EPSTI1: variants seen among roughly 807,000 people sequenced by gnomAD.
The protein encoded by EPSTI1 is epithelial-stromal interaction protein 1.
Under a neutral mutation model 49.9 loss-of-function variants are expected in EPSTI1, and 66 were observed. The observed-to-expected ratio is 1.32, with a 90% CI of 1.08 to 1.62. The LOEUF is 1.62. Ranked by LOEUF, EPSTI1 falls within the 40% of genes most tolerant of loss-of-function variation. The probability of loss-of-function intolerance (pLI) is 0.00; values close to 1 mark genes in which losing one functional copy is unlikely to be tolerated. For missense variants in EPSTI1, 394 were observed against 365.5 expected (o/e 1.08, Z -0.64); for synonymous variants, 137 against 130.7 (o/e 1.05, Z -0.33).
intron 1 of EPSTI1, among the ~76,000 whole-genome samples, chr13:42,978,249 T>G (rs2039919833): frequency 6.6e-6 from 1 of 151,662 alleles, no homozygotes; most frequent in South Asian, 2.1e-4. Context: ...GTGGTCAGAG[T>G]ACAGTTTGGT....
intron 1 of EPSTI1, among the ~76,000 whole-genome samples, chr13:42,980,487 T>A (rs1228720474): frequency 1.3e-5 from 2 of 152,188 alleles, no homozygotes; most frequent in East Asian, 3.8e-4. Context: ...TCTTACATGG[T>A]GGCAGGCAAG....
Position 42,917,528 on chromosome 13 carries a change from G to T in EPSTI1, c.741+13C>A. On this transcript the variant is annotated intron_variant, in intron 8 of 10. Transcript: ENST00000313624. ...TAAACAGTTAGCAATAACTAGTAGG[G>T]GCTTGTAAGTACCTTTTGATGTTGT... is the stretch of plus-strand genomic sequence containing the variant. The T allele has an allele frequency of 6.3e-7, 1 of 1,598,618 alleles. No homozygotes were observed.
Position 42,917,633 on chromosome 13 carries a change from G to GGAAA in EPSTI1, c.658-10_658-9insTTTC. ...TAAGCCCAGCTTCTGGCCTGTAAAG[G>GGAAA]TACAAAGAGAAAAAAAAAAAAAAAA... On this transcript the variant is annotated splice_polypyrimidine_tract_variant and intron_variant, in intron 7 of 10. Coordinates refer to ENST00000313624, the MANE Select transcript of EPSTI1 (RefSeq NM_033255.5). The GGAAA allele has an allele frequency of 3.4e-6, 1 of 292,840 alleles. No individual in the cohort carries two copies. The allele number at this position is 292,840 out of a possible 1,614,324, so 18.1% of individuals were successfully genotyped here.
At chr13:42,968,921 TACACACACAC>T (rs71970864) in intron 3 of EPSTI1, among the ~76,000 whole-genome samples, 163 bp downstream of exon 3, 20 of 117,614 alleles carry the variant, frequency 1.7e-4, no homozygotes, top group Admixed American at 4.4e-4. Context: ...AAAAAAAAAA[TACACACACAC>T]ACACACACAC....
intron 10 of EPSTI1, among the ~76,000 whole-genome samples, chr13:42,890,220 CTATT>C (rs2036989114): frequency 2.0e-5 from 3 of 151,586 alleles, no homozygotes; most frequent in African/African-American, 7.3e-5. Context: ...TCATTCCTAT[CTATT>C]AACAAGGTAT....
chr13:42,909,841 A>G (rs1451747360), intron 8 of EPSTI1, among the ~76,000 whole-genome samples: 1 of 152,204 alleles, frequency 6.6e-6, no homozygotes, highest in East Asian at 1.9e-4. Flanking sequence ...AGTTAGATAT[A>G]GGGAATAAAT....
Position 42,969,091 on chromosome 13 carries a change from T to C in EPSTI1, c.331+3A>G. ...CATTCCGGCAGCGGCTGTGCTTGCT[T>C]ACCTAGCCGTCTGGGCACCAGGTGA... On this transcript the variant is annotated splice_donor_region_variant and intron_variant, in intron 3 of 10. Transcript: ENST00000313624. 1 of 1,614,098 alleles carries C rather than the reference T, an allele frequency of 6.2e-7. No homozygotes were observed. The highest frequency in any genetic ancestry group is 8.5e-7 in the Non-Finnish European group (1 of 1,180,014).
At chr13:42,916,327 A>G (rs1328316840) in intron 8 of EPSTI1, among the ~76,000 whole-genome samples, 1 of 151,896 alleles carries the variant, frequency 6.6e-6, no homozygotes, top group Admixed American at 6.6e-5. Context: ...TCTTTCTTAC[A>G]CAGGAGCTAA....
intron 10 of EPSTI1, among the ~76,000 whole-genome samples, chr13:42,892,800 C>G (rs1456964031): frequency 6.6e-6 from 1 of 152,016 alleles, no homozygotes; most frequent in African/African-American, 2.4e-5. Context: ...GAAAGTGGTC[C>G]AAGGTAGATC....
At chr13:42,925,670 TCCGCA>T (rs2038149436) in intron 7 of EPSTI1, among the ~76,000 whole-genome samples, 1 of 152,244 alleles carries the variant, frequency 6.6e-6, no homozygotes, top group African/African-American at 2.4e-5. Flanking sequence ...TAACTCTTCT[TCCGCA>T]ACACAAGCCA....
chr13:42,953,773 TG>T (rs1336908963), intron 6 of EPSTI1, among the ~76,000 whole-genome samples, 174 bp downstream of exon 6: 43 of 152,372 alleles, frequency 2.8e-4, no homozygotes, highest in African/African-American at 1.0e-3. Context: ...GATACTTTGG[TG>T]AGTAGACATG....
chr13:42,902,924 A>G (rs899998248), intron 8 of EPSTI1, among the ~76,000 whole-genome samples: 1 of 152,240 alleles, frequency 6.6e-6, no homozygotes, highest in Non-Finnish European at 1.5e-5. Context: ...GTGGCTCATC[A>G]TAAAGTATAC....
At chr13:42,962,974 G>C (rs146976627) in intron 5 of EPSTI1, among the ~76,000 whole-genome samples, 3 of 152,314 alleles carry the variant, frequency 2.0e-5, no homozygotes, top group Admixed American at 6.5e-5. Flanking sequence ...TCTTCACCCT[G>C]TTCCTGGTGA....
intron 6 of EPSTI1, among the ~76,000 whole-genome samples, chr13:42,926,990 G>GACAGACACACACAC (rs1555262200): frequency 6.9e-6 from 1 of 144,610 alleles, no homozygotes. Flanking sequence ...TCTGTTAACA[G>GACAGACACACACAC]ACACACACAC....
chr13:42,990,098 T>A (rs1487496776), intron 1 of EPSTI1, among the ~76,000 whole-genome samples: 1 of 146,634 alleles, frequency 6.8e-6, no homozygotes, highest in Non-Finnish European at 1.5e-5. Context: ...TTCAAAGTCA[T>A]CCCAACAGGA....
intron 1 of EPSTI1, among the ~76,000 whole-genome samples, chr13:42,982,292 T>C (rs545131117): frequency 1.3e-5 from 2 of 152,316 alleles, no homozygotes; most frequent in South Asian, 4.1e-4. Context: ...ACAAATGCCA[T>C]GGCAACATCA....
intron 6 of EPSTI1, among the ~76,000 whole-genome samples, chr13:42,930,952 C>T (rs2038343065): frequency 6.6e-6 from 1 of 152,206 alleles, no homozygotes; most frequent in African/African-American, 2.4e-5. Context: ...TCTCTGCTTC[C>T]TGCATATATA....
intron 6 of EPSTI1, among the ~76,000 whole-genome samples, chr13:42,929,043 G>C (rs2038277458): frequency 6.6e-6 from 1 of 152,148 alleles, no homozygotes; most frequent in Non-Finnish European, 1.5e-5. Context: ...ATTTTAAAAA[G>C]CAGTCTATGC....
At chr13:42,937,446 T>C (rs113797612) in intron 6 of EPSTI1, among the ~76,000 whole-genome samples, 37 of 152,342 alleles carry the variant, frequency 2.4e-4, no homozygotes, top group African/African-American at 8.7e-4. Flanking sequence ...CTTTTACCCA[T>C]AGTAGAACTT....
Sources: allele counts gnomAD v4.1 joint callset (sites outside exome capture counted in the v4.1 genomes callset), GRCh38; gene constraint gnomAD v4.1.1; transcripts MANE v1.5; gene names NCBI Gene and HGNC (gene_info 2026-07-23, HGNC 2026-07-21).